SLC1A1: variants seen among roughly 807,000 people sequenced by gnomAD.
SLC1A1 encodes the protein excitatory amino acid transporter 3.
In SLC1A1, 43 loss-of-function variants were observed where a neutral mutation model predicts 53.3. The ratio of observed to expected loss-of-function variants is 0.81; its 90% confidence interval spans 0.63 to 1.04. The LOEUF is 1.04. SLC1A1 is among the 50% of genes least tolerant of loss of function. The pLI is 0.00. For synonymous variants in SLC1A1, 307 were observed against 243.2 expected (o/e 1.26, Z -2.44); for missense variants, 748 against 664.9 (o/e 1.12, Z -1.37).
intron 3 of SLC1A1, among the ~76,000 whole-genome samples, chr9:4,561,978 G>A (rs1451264213): frequency 1.3e-5 from 2 of 151,364 alleles, no homozygotes; most frequent in African/African-American, 4.9e-5. Context: ...GGCTGGTCTT[G>A]AACTCTTGGG....
intron 1 of SLC1A1, among the ~76,000 whole-genome samples, chr9:4,498,818 ATG>A (rs113905156): frequency 1.5e-4 from 23 of 148,992 alleles, no homozygotes; most frequent in African/African-American, 4.4e-4. Context: ...ATATATATAT[ATG>A]TGTGTGTGTG....
rs1820525850 is a variant in SLC1A1 at position 4,576,174 on chromosome 9, A to G, written c.998+51A>G. 6.4e-6 allele frequency: 10 copies of G among 1,573,140 alleles called. No homozygotes were observed. The African/African-American group carries it at 9.5e-5, about 15-fold the overall frequency. On this transcript the variant is annotated intron_variant, in intron 9 of 11. Transcript: ENST00000262352. ...GAAGCCTCCAGGCTCAACGTTATCAACTCTCACCTCACTTTACAAAACAGA... is the reference window on the plus strand; with the variant it reads ...GAAGCCTCCAGGCTCAACGTTATCAGCTCTCACCTCACTTTACAAAACAGA...
At chr9:4,537,603 A>T (rs150716360) in intron 1 of SLC1A1, among the ~76,000 whole-genome samples, 4,991 of 40,124 alleles carry the variant, frequency 0.12, 1,351 homozygotes, top group African/African-American at 0.19. Context: ...TAAAATAAAA[A>T]AAAAAAAAAT....
intron 1 of SLC1A1, among the ~76,000 whole-genome samples, chr9:4,499,677 T>C (rs1389737850): frequency 6.6e-6 from 1 of 152,258 alleles, no homozygotes; most frequent in Non-Finnish European, 1.5e-5. Context: ...GTATATACAA[T>C]CTTAATGCCT....
chr9:4,535,421 A>C (rs1816637854), intron 1 of SLC1A1, among the ~76,000 whole-genome samples: 1 of 152,184 alleles, frequency 6.6e-6, no homozygotes, highest in Non-Finnish European at 1.5e-5. Context: ...ATAACAGACA[A>C]ACAGAGAGCC....
chr9:4,492,660 T>G (rs1043828850), intron 1 of SLC1A1, among the ~76,000 whole-genome samples: 2 of 151,932 alleles, frequency 1.3e-5, no homozygotes, highest in African/African-American at 2.4e-5. Flanking sequence ...ATTAGCGTGG[T>G]GGTGCACATC....
intron 1 of SLC1A1, among the ~76,000 whole-genome samples, chr9:4,508,621 A>C (rs1820888335): frequency 6.6e-6 from 1 of 152,222 alleles, no homozygotes; most frequent in South Asian, 2.1e-4. Flanking sequence ...GAGACTGTTT[A>C]TGACACACTT....
At chr9:4,511,588 CACACACA>C (rs1479647970) in intron 1 of SLC1A1, among the ~76,000 whole-genome samples, 2 of 151,822 alleles carry the variant, frequency 1.3e-5, no homozygotes, top group African/African-American at 4.8e-5. Context: ...CACACACACA[CACACACA>C]CACACTACAC....
intron 3 of SLC1A1, 41 bp from the exon 4 acceptor site, chr9:4,564,303 G>A (rs1300817599): frequency 7.2e-7 from 1 of 1,395,808 alleles, no homozygotes; most frequent in Non-Finnish European, 1.0e-6. Context: ...AGGTGCCCTG[G>A]AAGGTTCCTA....
At chr9:4,544,915 G>C (rs930616920) in intron 2 of SLC1A1, among the ~76,000 whole-genome samples, 1 of 152,228 alleles carries the variant, frequency 6.6e-6, no homozygotes, top group East Asian at 1.9e-4. Context: ...GAAGGAGAAA[G>C]GCTGGGCGAA....
At chr9:4,521,597 A>T (rs532328921) in intron 1 of SLC1A1, among the ~76,000 whole-genome samples, 71 of 152,314 alleles carry the variant, frequency 4.7e-4, no homozygotes, top group Non-Finnish European at 9.0e-4. Context: ...TCCAGGAAGA[A>T]TATTTGCAGC....
chr9:4,576,841 C>A, intron 10 of SLC1A1, 78 bp downstream of exon 10: 3 of 1,249,830 alleles, frequency 2.4e-6, no homozygotes, highest in Non-Finnish European at 3.5e-6. Context: ...GAAGGGACAC[C>A]AAGAATGTCG....
At chr9:4,567,629 T>C in intron 5 of SLC1A1, 40 bp from the exon 6 acceptor site, 1 of 1,392,270 alleles carries the variant, frequency 7.2e-7, no homozygotes, top group South Asian at 1.2e-5. Context: ...AAAAAAATTC[T>C]TTTTTTGTTT....
intron 10 of SLC1A1, among the ~76,000 whole-genome samples, chr9:4,581,900 G>C (rs1157131788): frequency 6.6e-6 from 1 of 152,236 alleles, no homozygotes; most frequent in Non-Finnish European, 1.5e-5. Flanking sequence ...TGAATGGGCA[G>C]TAGAATCAGC....
intron 1 of SLC1A1, among the ~76,000 whole-genome samples, chr9:4,524,825 T>C (rs988387728): frequency 7.9e-5 from 12 of 152,102 alleles, no homozygotes; most frequent in Admixed American, 2.6e-4. Flanking sequence ...AACAACCCAC[T>C]CTTGAGTATA....
intron 2 of SLC1A1, among the ~76,000 whole-genome samples, chr9:4,544,927 C>T (rs1045401492): frequency 2.0e-5 from 3 of 152,138 alleles, no homozygotes; most frequent in Non-Finnish European, 2.9e-5. Context: ...CTGGGCGAAG[C>T]AGGAAGAGCC....
At chr9:4,519,780 G>T (rs1815999905) in intron 1 of SLC1A1, among the ~76,000 whole-genome samples, 1 of 152,164 alleles carries the variant, frequency 6.6e-6, no homozygotes, top group South Asian at 2.1e-4. Context: ...CTCAACTCCA[G>T]ATAGGTGACT....
chr9:4,521,856 A>G (rs10116014), intron 1 of SLC1A1, among the ~76,000 whole-genome samples: 145,591 of 152,048 alleles, frequency 0.96, 70,001 homozygotes, highest in East Asian at 1. Context: ...CAAAGGGAGC[A>G]GCCCCACTTG....
chr9:4,505,045 CTT>C (rs3038189), intron 1 of SLC1A1, among the ~76,000 whole-genome samples: 127 of 114,984 alleles, frequency 1.1e-3, no homozygotes, highest in Middle Eastern at 5.4e-3. Flanking sequence ...ACATATATTT[CTT>C]TTTTTTTTTT....
Sources: gnomAD v4.1 joint callset for allele counts (sites outside exome capture counted in the v4.1 genomes callset) on GRCh38, gnomAD v4.1.1 for gene constraint, MANE v1.5 for transcripts, NCBI Gene and HGNC (gene_info 2026-07-23, HGNC 2026-07-21) for gene names.